The following PDE1C variants were observed in gnomAD, a reference collection of about 807,000 sequenced individuals.
PDE1C encodes the protein phosphodiesterase 1C.
In PDE1C, 62 loss-of-function variants were observed where a neutral mutation model predicts 93.1. The observed-to-expected ratio is 0.67, with a 90% confidence interval of 0.54 to 0.82. The LOEUF (loss-of-function observed/expected upper bound fraction) is 0.82, where lower values mean the gene tolerates loss of function less well. Among genes scored for constraint, PDE1C ranks in the 40% least tolerant of loss-of-function variants. The pLI, the probability that PDE1C is intolerant of heterozygous loss-of-function variation, is 0.00. For synonymous variants in PDE1C, 325 were observed against 310.1 expected, an observed-to-expected ratio of 1.05 and a Z score of -0.50; for missense variants, 742 against 884.6, an observed-to-expected ratio of 0.84 and a Z score of 2.04.
intron 8 of PDE1C, among the ~76,000 whole-genome samples, chr7:31,848,704 G>C (rs1792936857): frequency 1.3e-5 from 2 of 152,100 alleles, no homozygotes; most frequent in African/African-American, 4.8e-5. Context: ...AATATTTTAA[G>C]ATCTTAAATT....
At chr7:31,897,272 G>T (rs1249712397) in intron 2 of PDE1C, among the ~76,000 whole-genome samples, 1 of 152,194 alleles carries the variant, frequency 6.6e-6, no homozygotes, top group African/African-American at 2.4e-5. Context: ...GACATGAAGT[G>T]ATGATTGTAA....
At chr7:31,760,138 T>C (rs1007290304) in intron 17 of PDE1C, among the ~76,000 whole-genome samples, 1 of 152,166 alleles carries the variant, frequency 6.6e-6, no homozygotes, top group Non-Finnish European at 1.5e-5. Context: ...TGAGTTAAAC[T>C]AGTATCTTCA....
chr7:32,376,800 G>A (rs538886645), intron 1 of PDE1C, among the ~76,000 whole-genome samples: 2 of 152,142 alleles, frequency 1.3e-5, no homozygotes, highest in Admixed American at 1.3e-4. Flanking sequence ...CCATTCTCCC[G>A]CCTCAGCCTC....
At chr7:31,616,834 A>ATT in the PDE1C span, among the ~76,000 whole-genome samples, 1 of 152,124 alleles carries the variant, frequency 6.6e-6, no homozygotes, top group African/African-American at 2.4e-5. Flanking sequence ...GATTCAAACA[A>ATT]TTATCAGATA....
chr7:32,310,209 A>G (rs920615242), intron 1 of PDE1C, among the ~76,000 whole-genome samples: 6 of 151,948 alleles, frequency 3.9e-5, no homozygotes, highest in African/African-American at 1.5e-4. Flanking sequence ...AACTATCCTA[A>G]ATATATATGC....
chr7:32,075,048 A>G (rs1031845001), upstream of PDE1C, among the ~76,000 whole-genome samples: 1 of 152,222 alleles, frequency 6.6e-6, no homozygotes, highest in Non-Finnish European at 1.5e-5. Flanking sequence ...CATTGTGCAC[A>G]GAGGTCAGCT....
chr7:31,821,934 A>T (rs1789021206), intron 14 of PDE1C, among the ~76,000 whole-genome samples: 1 of 152,038 alleles, frequency 6.6e-6, no homozygotes, highest in Non-Finnish European at 1.5e-5. Flanking sequence ...TGGTATACTG[A>T]CACCAGGAGG....
chr7:32,419,362 C>A (rs1785340200), intron 1 of PDE1C, among the ~76,000 whole-genome samples: 2 of 152,230 alleles, frequency 1.3e-5, no homozygotes, highest in South Asian at 4.1e-4. Flanking sequence ...GTATAGAGAA[C>A]AACAGAGAGA....
chr7:31,969,284 C>G (rs1584256088), intron 2 of PDE1C, among the ~76,000 whole-genome samples: 1 of 144,048 alleles, frequency 6.9e-6, no homozygotes, highest in South Asian at 2.1e-4. Flanking sequence ...TGAACTCAAA[C>G]AAATTTACAA....
chr7:32,275,944 T>A (rs1811256386), intron 1 of PDE1C, among the ~76,000 whole-genome samples: 1 of 152,216 alleles, frequency 6.6e-6, no homozygotes, highest in South Asian at 2.1e-4. Context: ...TATGACCCTG[T>A]AACTGTAGAT....
At chr7:32,329,427 G>A (rs1783468732) in intron 1 of PDE1C, among the ~76,000 whole-genome samples, 1 of 152,140 alleles carries the variant, frequency 6.6e-6, no homozygotes, top group African/African-American at 2.4e-5. Context: ...CCACCTCGGA[G>A]CTCCCTCTCA....
At chr7:31,742,756 T>G in the PDE1C span, among the ~76,000 whole-genome samples, 1 of 152,216 alleles carries the variant, frequency 6.6e-6, no homozygotes, top group Non-Finnish European at 1.5e-5. Context: ...TTGAAGTTTC[T>G]AGTTCTATTT....
At chr7:31,886,881 G>GAATAGATCTATTCGGATCTATTCT (rs1583793857) in intron 2 of PDE1C, among the ~76,000 whole-genome samples, 3 of 14,572 alleles carry the variant, frequency 2.1e-4, no homozygotes, top group Non-Finnish European at 3.0e-4. Flanking sequence ...GATCTATTCA[G>GAATAGATCTATTCGGATCTATTCT]GGGCGTGTCA....
At chr7:32,064,538 G>A (rs570538790) in intron 1 of PDE1C, among the ~76,000 whole-genome samples, 45 of 152,018 alleles carry the variant, frequency 3.0e-4, no homozygotes, top group Non-Finnish European at 5.1e-4. Context: ...GCCTCGAGTC[G>A]CATCTCCAAT....
intron 1 of PDE1C, among the ~76,000 whole-genome samples, chr7:32,394,594 G>A (rs566969133): frequency 5.3e-4 from 81 of 152,338 alleles, no homozygotes; most frequent in Non-Finnish European, 9.8e-4. Context: ...GCTCACTTGA[G>A]ACCAGGAGTT....
chr7:31,722,448 G>A, the PDE1C span, among the ~76,000 whole-genome samples: 1 of 152,184 alleles, frequency 6.6e-6, no homozygotes, highest in African/African-American at 2.4e-5. Context: ...GACCTTACCT[G>A]CAGAGCTCAC....
chr7:32,039,246 T>C (rs1185051792), intron 2 of PDE1C, among the ~76,000 whole-genome samples: 1 of 152,150 alleles, frequency 6.6e-6, no homozygotes, highest in East Asian at 1.9e-4. Flanking sequence ...AAGATAGTAC[T>C]ATTACAAACA....
chr7:31,675,932 A>T, the PDE1C span, among the ~76,000 whole-genome samples: 1 of 152,188 alleles, frequency 6.6e-6, no homozygotes, highest in Non-Finnish European at 1.5e-5. Context: ...AGATCTGGGT[A>T]TAATATATCT....
rs565736883 is a variant in PDE1C, at chr7:32,078,006, C to T, written c.308+91779G>A. Reference sequence around the variant, plus strand: ...ACTTCTGGCTCCGTGGACATTCTGCCTCTCAGAATACACTGCCAACCCAGT... The same window carrying T: ...ACTTCTGGCTCCGTGGACATTCTGCTTCTCAGAATACACTGCCAACCCAGT... On this transcript the variant is annotated intron_variant, in intron 3 of 18. Coordinates refer to the PDE1C transcript ENST00000396193. 9 of 985,378 alleles carry T rather than the reference C, an allele frequency of 9.1e-6. No individual in the cohort carries two copies. In the South Asian group the frequency reaches 4.2e-4, roughly 46 times the overall value. The allele number at this position is 985,378 out of a possible 1,614,324, so 61.0% of individuals were successfully genotyped here.
Sources: gnomAD v4.1 joint callset for allele counts (sites outside exome capture counted in the v4.1 genomes callset) on GRCh38, gnomAD v4.1.1 for gene constraint, MANE v1.5 for transcripts, NCBI Gene and HGNC (gene_info 2026-07-23, HGNC 2026-07-21) for gene names.